The following ELMO1 variants were observed in gnomAD, a reference collection of about 807,000 sequenced individuals.
ELMO1 encodes the protein engulfment and cell motility 1.
Under a neutral mutation model 98.9 loss-of-function variants are expected in ELMO1, and 26 were observed. That is an observed-to-expected ratio of 0.26 (90% CI 0.19 to 0.36). The LOEUF (loss-of-function observed/expected upper bound fraction) is 0.36, where lower values mean the gene tolerates loss of function less well. ELMO1 is among the 10% of genes least tolerant of loss of function. The pLI is 1.00. For synonymous variants in ELMO1, 346 were observed against 346.0 expected (o/e 1.00, Z 0.00); for missense variants, 627 against 935.2 (o/e 0.67, Z 4.30).
chr7:36,863,010 C>T (rs1039509046), intron 20 of ELMO1, among the ~76,000 whole-genome samples: 18 of 152,316 alleles, frequency 1.2e-4, no homozygotes, highest in African/African-American at 4.3e-4. Flanking sequence ...CATCCCTGTC[C>T]TGACACAGTC....
chr7:36,910,991 C>A (rs562017747), intron 16 of ELMO1, among the ~76,000 whole-genome samples: 1 of 152,168 alleles, frequency 6.6e-6, no homozygotes, highest in African/African-American at 2.4e-5. Flanking sequence ...GCCTTCTAAA[C>A]GAGGGGATAT....
intron 15 of ELMO1, among the ~76,000 whole-genome samples, chr7:37,062,558 T>C (rs141604574): frequency 1.2e-4 from 19 of 152,226 alleles, no homozygotes; most frequent in African/African-American, 4.6e-4. Context: ...AAATCCTCTT[T>C]CTCCTTTCCC....
chr7:37,135,777 G>C (rs576458788), intron 13 of ELMO1, among the ~76,000 whole-genome samples: 56 of 152,214 alleles, frequency 3.7e-4, no homozygotes, highest in African/African-American at 1.3e-3. Flanking sequence ...CCAAATGAGA[G>C]GGAACCAGAA....
At chr7:37,225,560 C>G (rs1420404982) in intron 8 of ELMO1, among the ~76,000 whole-genome samples, 2 of 152,174 alleles carry the variant, frequency 1.3e-5, no homozygotes, top group Non-Finnish European at 2.9e-5. Context: ...ACCGGCCACT[C>G]TCTTAAACGA....
intron 9 of ELMO1, among the ~76,000 whole-genome samples, chr7:37,224,232 C>T (rs1383767732): frequency 6.6e-6 from 1 of 152,230 alleles, no homozygotes; most frequent in South Asian, 2.1e-4. Context: ...ACAATAGAGT[C>T]CTTCTCAGGT....
intron 6 of ELMO1, among the ~76,000 whole-genome samples, chr7:37,256,361 T>C (rs1247551054): frequency 6.6e-6 from 1 of 152,086 alleles, no homozygotes; most frequent in African/African-American, 2.4e-5. Flanking sequence ...CATTCAGTTC[T>C]AGGGATTTTC....
chr7:37,433,050 A>G (rs1804996169), intron 1 of ELMO1, among the ~76,000 whole-genome samples: 1 of 152,214 alleles, frequency 6.6e-6, no homozygotes. Flanking sequence ...GGGTTAGGGC[A>G]TTGCATGGCC....
In ELMO1 at chr7:37,259,333, C is replaced by T; in HGVS notation, c.261G>A (p.Gln87=). The T allele has an allele frequency of 1.2e-6, 2 of 1,614,042 alleles. No homozygotes were observed. The highest frequency in any genetic ancestry group is 1.7e-6 in the Non-Finnish European group (2 of 1,179,948). Residue 87 remains glutamine, a synonymous_variant, in exon 6 of 22, where the codon CAG becomes CAA. Transcript: ENST00000310758. The stretch of plus-strand genomic sequence containing the variant: ...TCGAGGACTGGATTCGTTCATGGAG[C>T]TGCTGGGCGTTCTGAGCCTTATGGG... ...LTTSPAQNAQ[Q]LHERIQSSSM...
intron 13 of ELMO1, among the ~76,000 whole-genome samples, chr7:37,161,539 C>A (rs1318322054): frequency 6.6e-6 from 1 of 152,042 alleles, no homozygotes; most frequent in Non-Finnish European, 1.5e-5. Flanking sequence ...AGTCTCCCAC[C>A]CGGATGGTCA....
In ELMO1 at chr7:37,013,201, C is replaced by T. The variant is rs1433067658; in HGVS notation, c.1437+98G>A. On this transcript the variant is annotated intron_variant, in intron 16 of 21. Coordinates refer to ENST00000310758, the MANE Select transcript of ELMO1 (RefSeq NM_014800.11). ...ATCATTGCAATCTTCCTCATTTCCC[C>T]ACCTTGCCAATTGCCTTCTGCACAC... 3 of 1,446,570 alleles carry T rather than the reference C, an allele frequency of 2.1e-6. No homozygotes were observed. In the South Asian group the frequency reaches 4.0e-5, roughly 19 times the overall value. The allele number at this position is 1,446,570 out of a possible 1,614,324, so 89.6% of individuals were successfully genotyped here. A position where few individuals can be genotyped will look rare whatever the true frequency, so the allele number is the denominator to read the frequency against.
At chr7:36,955,394 TA>T (rs1788361285) in intron 16 of ELMO1, among the ~76,000 whole-genome samples, 2 of 152,198 alleles carry the variant, frequency 1.3e-5, no homozygotes, top group Admixed American at 1.3e-4. Context: ...AATTCCGAAG[TA>T]AAGGTATTTG....
intron 2 of ELMO1, among the ~76,000 whole-genome samples, chr7:37,341,440 G>A (rs1446435778): frequency 6.6e-6 from 1 of 152,106 alleles, no homozygotes; most frequent in African/African-American, 2.4e-5. Flanking sequence ...GAAACTATTA[G>A]GCATCTCTAC....
chr7:37,091,540 A>G (rs1784094200), intron 15 of ELMO1, among the ~76,000 whole-genome samples: 1 of 152,058 alleles, frequency 6.6e-6, no homozygotes, highest in South Asian at 2.1e-4. Context: ...ATGTGTATTC[A>G]TCTGTGCTAT....
chr7:37,104,547 T>A (rs764675730), intron 14 of ELMO1, among the ~76,000 whole-genome samples: 1 of 152,192 alleles, frequency 6.6e-6, no homozygotes, highest in African/African-American at 2.4e-5. Flanking sequence ...TTCACCAGCA[T>A]GCCCTTAAGT....
intron 15 of ELMO1, among the ~76,000 whole-genome samples, chr7:37,058,346 A>G (rs1286755394): frequency 1.3e-5 from 2 of 152,128 alleles, no homozygotes; most frequent in African/African-American, 2.4e-5. Context: ...TTTTTTAGCT[A>G]GCTTATGATA....
chr7:37,233,235 G>A lies in ELMO1; in HGVS notation c.450-41C>T, dbSNP rs779679672. On this transcript the variant is annotated intron_variant, in intron 7 of 21. Transcript: ENST00000310758. Reference sequence around the variant, plus strand: ...AGGCACAAGAGTCAAGAGCCCCAAAGCTGAGCAAAGACACAGAAGCAAGAA... The same window carrying A: ...AGGCACAAGAGTCAAGAGCCCCAAAACTGAGCAAAGACACAGAAGCAAGAA... 3 of 1,553,190 alleles carry A rather than the reference G, an allele frequency of 1.9e-6. No homozygotes were observed. In the Admixed American group the frequency reaches 5.8e-5, roughly 30 times the overall value.
intron 1 of ELMO1, among the ~76,000 whole-genome samples, chr7:37,390,722 C>A (rs999975055): frequency 2.0e-5 from 3 of 152,162 alleles, no homozygotes; most frequent in Non-Finnish European, 2.9e-5. Flanking sequence ...ACCAAGGCTC[C>A]GCTCTTTGAG....
At chr7:37,138,789 C>T (rs1309815701) in intron 13 of ELMO1, among the ~76,000 whole-genome samples, 1 of 152,070 alleles carries the variant, frequency 6.6e-6, no homozygotes, top group Admixed American at 6.6e-5. Context: ...AACTACAGAC[C>T]AGTATCACTG....
intron 21 of ELMO1, among the ~76,000 whole-genome samples, chr7:36,859,508 A>C (rs1301612190): frequency 6.6e-6 from 1 of 152,160 alleles, no homozygotes; most frequent in Non-Finnish European, 1.5e-5. Context: ...TGGGCCTGCC[A>C]GGAATGTGCG....
Sources: gnomAD v4.1 joint callset for allele counts (sites outside exome capture counted in the v4.1 genomes callset) on GRCh38, gnomAD v4.1.1 for gene constraint, MANE v1.5 for transcripts, NCBI Gene and HGNC (gene_info 2026-07-23, HGNC 2026-07-21) for gene names.